The following PRKAG2 variants were observed in gnomAD, a reference collection of about 807,000 sequenced individuals.
PRKAG2 encodes the protein 5'-AMP-activated protein kinase subunit gamma-2.
Under a neutral mutation model 69.6 loss-of-function variants are expected in PRKAG2, and 26 were observed. That is an observed-to-expected ratio of 0.37 (90% CI 0.27 to 0.52). PRKAG2 has a LOEUF of 0.52. PRKAG2 is among the 20% of genes least tolerant of loss of function. PRKAG2 has a pLI of 0.90. For synonymous variants in PRKAG2, 293 were observed against 285.0 expected (o/e 1.03, Z -0.28); for missense variants, 557 against 740.0 (o/e 0.75, Z 2.87).
intron 3 of PRKAG2, among the ~76,000 whole-genome samples, chr7:151,707,885 C>T (rs530566540): frequency 7.3e-4 from 111 of 152,334 alleles, no homozygotes; most frequent in South Asian, 4.6e-3. Context: ...GAGCCAGCAC[C>T]GGCCCCAAGG....
intron 3 of PRKAG2, among the ~76,000 whole-genome samples, chr7:151,725,064 C>T (rs1797714271): frequency 6.6e-6 from 1 of 152,058 alleles, no homozygotes; most frequent in African/African-American, 2.4e-5. Flanking sequence ...CCAACAGGAG[C>T]GAGGTCGGCC....
chr7:151,717,334 C>T (rs994960268), intron 3 of PRKAG2, among the ~76,000 whole-genome samples: 11 of 151,538 alleles, frequency 7.3e-5, no homozygotes, highest in East Asian at 1.9e-4. Flanking sequence ...CAGTCATTGA[C>T]GAGAGTTACC....
chr7:151,718,639 A>G (rs1395152487), intron 3 of PRKAG2, among the ~76,000 whole-genome samples: 1 of 141,400 alleles, frequency 7.1e-6, no homozygotes, highest in Non-Finnish European at 1.5e-5. Flanking sequence ...ACCCAAAAAC[A>G]AAACAAACAA....
rs2079127995 is a variant in PRKAG2 at position 151,835,568 on chromosome 7, G to T, written c.114+40939C>A. On this transcript the variant is annotated intron_variant, in intron 1 of 15. Coordinates refer to ENST00000287878, the MANE Select transcript of PRKAG2 (RefSeq NM_016203.4). This position sits in a 1 kb window ranked among gnomAD's most constrained non-coding sequence, Gnocchi z 4.1. ...GAGGCATCTAACAGCATCCTCCCTG[G>T]CCTAAGCCTGGGAGCCTTCCTAAAG... 6.6e-6 allele frequency among the ~76,000 whole-genome samples: 1 copy of T among 152,096 alleles called. No individual in the cohort carries two copies. The highest frequency in any genetic ancestry group is 6.5e-5 in the Admixed American group (1 of 15,282).
At chr7:151,842,633 A>G (rs2079335590) in intron 1 of PRKAG2, among the ~76,000 whole-genome samples, 1 of 70,424 alleles carries the variant, frequency 1.4e-5, no homozygotes, top group Non-Finnish European at 2.6e-5. Flanking sequence ...GATGGTAGCG[A>G]TGGTAGGGAT....
rs1182448951 is a variant in PRKAG2, at chr7:151,781,372, C to A, written c.246G>T (p.Gln82His). Reference sequence around the variant, plus strand: ...CAGACATGGGGCTGGAGGGCCGGGGCTGGGGGCCTCTGGAGAAGAACCCTT... The same window carrying A: ...CAGACATGGGGCTGGAGGGCCGGGGATGGGGGCCTCTGGAGAAGAACCCTT... The part of the protein sequence containing the change: ...PSKGFFSRGP[Q>H]PRPSSPMSAP... Residue 82 changes from glutamine (Q) to histidine (H), a missense_variant, in exon 3 of 16, where the codon CAG becomes CAT. Transcript: ENST00000287878. This position sits in a 1 kb window ranked among gnomAD's most constrained non-coding sequence, Gnocchi z 6.1. 1 of 1,612,606 alleles carries A rather than the reference C, an allele frequency of 6.2e-7. No individual in the cohort carries two copies. The highest frequency in any genetic ancestry group is 1.3e-5 in the African/African-American group (1 of 74,914).
At chr7:151,841,374 G>A (rs2079275319) in intron 1 of PRKAG2, among the ~76,000 whole-genome samples, 1 of 151,722 alleles carries the variant, frequency 6.6e-6, no homozygotes, top group South Asian at 2.1e-4. Flanking sequence ...GGTAGTGATG[G>A]TAGGTAATGA....
intron 3 of PRKAG2, among the ~76,000 whole-genome samples, chr7:151,685,692 C>T (rs1834612368): frequency 6.6e-6 from 1 of 151,748 alleles, no homozygotes; most frequent in Admixed American, 6.6e-5. Flanking sequence ...TTGCTTAAGC[C>T]TGAGAGGTTG....
intron 3 of PRKAG2, among the ~76,000 whole-genome samples, chr7:151,748,201 G>A (rs1035037826): frequency 3.3e-5 from 5 of 152,088 alleles, no homozygotes; most frequent in Admixed American, 1.3e-4. Context: ...GATTACAGGC[G>A]TGAGTCACTG....
rs914732540 is a variant in PRKAG2 at position 151,870,178 on chromosome 7, C to T, written c.114+6329G>A. On this transcript the variant is annotated intron_variant, in intron 1 of 15. Coordinates refer to ENST00000287878, the MANE Select transcript of PRKAG2 (RefSeq NM_016203.4). The stretch of plus-strand genomic sequence containing the variant: ...ATAGGCAGGCAGGCAGGCAGGCAGG[C>T]AGGCAGGCAGGCAGGCAGGCAGACA... Among the ~76,000 whole-genome samples, 14 of 151,722 alleles carry T rather than the reference C, an allele frequency of 9.2e-5. No individual in the cohort carries two copies. In the South Asian group the frequency reaches 1.0e-3, roughly 11 times the overall value.
intron 5 of PRKAG2, among the ~76,000 whole-genome samples, chr7:151,621,767 G>C: frequency 6.6e-6 from 1 of 151,890 alleles, no homozygotes; most frequent in East Asian, 1.9e-4. Flanking sequence ...TTGAGATGGG[G>C]TTTCGCCATG....
chr7:151,821,896 T>C (rs760634818), intron 1 of PRKAG2, among the ~76,000 whole-genome samples: 1 of 152,200 alleles, frequency 6.6e-6, no homozygotes, highest in Non-Finnish European at 1.5e-5. Context: ...TAAATCCGTA[T>C]GTATGTATGT....
intron 1 of PRKAG2, among the ~76,000 whole-genome samples, chr7:151,849,155 G>A (rs1339654186): frequency 1.3e-5 from 2 of 152,234 alleles, no homozygotes; most frequent in African/African-American, 2.4e-5. Context: ...TTGGGGAAAC[G>A]AAGACGCAGA....
At chr7:151,591,252 C>T (rs1019914428) in intron 6 of PRKAG2, among the ~76,000 whole-genome samples, 2 of 152,264 alleles carry the variant, frequency 1.3e-5, no homozygotes, top group Non-Finnish European at 2.9e-5. Flanking sequence ...GACCCCTAGA[C>T]GGAGTCTGCT....
intron 5 of PRKAG2, among the ~76,000 whole-genome samples, chr7:151,625,612 T>C (rs1319978806): frequency 6.6e-6 from 1 of 152,086 alleles, no homozygotes; most frequent in Non-Finnish European, 1.5e-5. Context: ...CATAGGAAGA[T>C]GACACTGGCC....
rs1280026248 is a variant in PRKAG2, at chr7:151,821,211, A to G, written c.115-34670T>C. 3.3e-5 allele frequency among the ~76,000 whole-genome samples: 5 copies of G among 152,262 alleles called. 1 individual carries two copies. The highest frequency in any genetic ancestry group is 7.3e-5 in the Non-Finnish European group (5 of 68,048). On this transcript the variant is annotated intron_variant, in intron 1 of 15. Coordinates refer to ENST00000287878, the MANE Select transcript of PRKAG2 (RefSeq NM_016203.4). ...AAAGGAGTAAGACTGAAGCTAAGATAAGCAAGATCAGGTAAAAATCAGAGG... is the reference window on the plus strand; with the variant it reads ...AAAGGAGTAAGACTGAAGCTAAGATGAGCAAGATCAGGTAAAAATCAGAGG...
Position 151,756,971 on chromosome 7 carries a change from C to T in PRKAG2, c.466+24181G>A, listed in dbSNP as rs540862984. ...CGCTGCGATTCGGGGGAGTAACCAG[C>T]GGTGAGCTTCAGGCCTAAATGCTGG... On this transcript the variant is annotated intron_variant, in intron 3 of 15. Transcript: ENST00000287878. This position sits in a 1 kb window ranked among gnomAD's most constrained non-coding sequence, Gnocchi z 4.9. Among the ~76,000 whole-genome samples, 24 of 152,302 alleles carry T rather than the reference C, an allele frequency of 1.6e-4. No individual in the cohort carries two copies. Among genetic ancestry groups the T allele is most frequent in the African/African-American group, 4.8e-4 (20 of 41,568 alleles).
chr7:151,701,392 A>T (rs1448903444), intron 3 of PRKAG2, among the ~76,000 whole-genome samples: 1 of 152,202 alleles, frequency 6.6e-6, no homozygotes, highest in Non-Finnish European at 1.5e-5. Flanking sequence ...GACCTTAGAC[A>T]TAGGGTCATT....
intron 3 of PRKAG2, among the ~76,000 whole-genome samples, chr7:151,757,551 A>G (rs1161472910): frequency 6.6e-6 from 1 of 152,184 alleles, no homozygotes; most frequent in Non-Finnish European, 1.5e-5. Flanking sequence ...CAAAATACAC[A>G]TGACCTCGGT....
Sources: gnomAD v4.1 joint callset for allele counts (sites outside exome capture counted in the v4.1 genomes callset) on GRCh38, gnomAD v4.1.1 for gene constraint, Gnocchi (gnomAD v3.1) non-coding constraint, MANE v1.5 for transcripts, NCBI Gene and HGNC (gene_info 2026-07-23, HGNC 2026-07-21) for gene names.